CD200R1: variants seen among roughly 807,000 people sequenced by gnomAD.
CD200R1 encodes cell surface glycoprotein CD200 receptor 1.
CD200R1 carries 30 observed loss-of-function variants against 38.1 expected under a neutral mutation model. That is an observed-to-expected ratio of 0.79 (90% CI 0.59 to 1.07). The LOEUF (loss-of-function observed/expected upper bound fraction) is 1.07. CD200R1 is among the 50% of genes least tolerant of loss of function. The pLI, the probability that CD200R1 is intolerant of heterozygous loss-of-function variation, is 0.00. For synonymous variants in CD200R1, 128 were observed against 152.1 expected, an observed-to-expected ratio of 0.84 and a Z score of 1.16; for missense variants, 372 against 415.4, an observed-to-expected ratio of 0.90 and a Z score of 0.91.
intron 1 of CD200R1, among the ~76,000 whole-genome samples, chr3:112,954,766 C>T (rs1412757615): frequency 6.6e-6 from 1 of 152,158 alleles, no homozygotes; most frequent in African/African-American, 2.4e-5. Flanking sequence ...GCCCTATGCA[C>T]TTTTTCATCT....
chr3:112,931,899 C>A (rs1940450725), intron 2 of CD200R1, among the ~76,000 whole-genome samples: 1 of 152,066 alleles, frequency 6.6e-6, no homozygotes, highest in Admixed American at 6.5e-5. Flanking sequence ...GCCTCTGGCA[C>A]CCCATCCTTC....
chr3:112,962,793 A>C (rs1185593952), intron 1 of CD200R1, among the ~76,000 whole-genome samples: 1 of 152,074 alleles, frequency 6.6e-6, no homozygotes, highest in East Asian at 1.9e-4. Context: ...AGAGCCTTGA[A>C]AACATTTATA....
At chr3:112,938,476 C>T (rs1940637641) in intron 2 of CD200R1, among the ~76,000 whole-genome samples, 1 of 151,930 alleles carries the variant, frequency 6.6e-6, no homozygotes, top group African/African-American at 2.4e-5. Flanking sequence ...CTATTATGAA[C>T]AACTACACAT....
At chr3:112,938,270 G>A (rs1940633367) in intron 2 of CD200R1, among the ~76,000 whole-genome samples, 1 of 152,194 alleles carries the variant, frequency 6.6e-6, no homozygotes, top group African/African-American at 2.4e-5. Context: ...TCTTGTGCCA[G>A]TTTTCAAGGG....
At chr3:112,953,122 A>C (rs1941007814) in intron 1 of CD200R1, among the ~76,000 whole-genome samples, 1 of 152,190 alleles carries the variant, frequency 6.6e-6, no homozygotes, top group South Asian at 2.1e-4. Flanking sequence ...ATTGCACTGA[A>C]GTACTTTCCT....
At chr3:112,969,925 A>C (rs1933259316) in intron 1 of CD200R1, among the ~76,000 whole-genome samples, 1 of 152,054 alleles carries the variant, frequency 6.6e-6, no homozygotes, top group Non-Finnish European at 1.5e-5. Flanking sequence ...TAATTCCAAC[A>C]CTTTGGGAGG....
rs1341572003 is a variant in CD200R1, at chr3:112,947,853, TACCTAA to T, written c.133_136+2del. On this transcript the variant is annotated splice_donor_variant and coding_sequence_variant, in exon 2 of 8. Coordinates refer to ENST00000308611, the MANE Select transcript of CD200R1 (RefSeq NM_138806.4). LOFTEE classifies it high-confidence loss of function. Reference sequence around the variant, plus strand: ...AGAATTATTGTTAAAAGATGCACATTACCTAAAGCATGATTCTCCTTGCTAGTTTGC... The same window carrying T: ...AGAATTATTGTTAAAAGATGCACATTAGCATGATTCTCCTTGCTAGTTTGC... 5 of 1,600,118 alleles carry T rather than the reference TACCTAA, an allele frequency of 3.1e-6. No homozygotes were observed. Among genetic ancestry groups the T allele is most frequent in the Non-Finnish European group, 4.3e-6 (5 of 1,167,312 alleles).
chr3:112,928,728 A>G, intron 5 of CD200R1, 88 bp downstream of exon 5: 1 of 1,081,916 alleles, frequency 9.2e-7, no homozygotes, highest in Non-Finnish European at 1.3e-6. Flanking sequence ...AGCATCCTCG[A>G]ACAAAATATA....
At chr3:112,945,889 G>A (rs1329684902) in intron 2 of CD200R1, among the ~76,000 whole-genome samples, 1 of 152,112 alleles carries the variant, frequency 6.6e-6, no homozygotes, top group South Asian at 2.1e-4. Flanking sequence ...TTAGCAGGGC[G>A]TGGTAGCTGG....
chr3:112,949,240 G>T lies in CD200R1; in HGVS notation c.68-1316C>A, dbSNP rs551544764. Reference sequence around the variant, plus strand: ...AGGCTCTAACTGTGCAAGGCACAAAGCTCCTGGAATGTGTTCACAAGGAAA... The same window carrying T: ...AGGCTCTAACTGTGCAAGGCACAAATCTCCTGGAATGTGTTCACAAGGAAA... On this transcript the variant is annotated intron_variant, in intron 1 of 7. Transcript: ENST00000308611. Among the ~76,000 whole-genome samples, 20 of 152,364 alleles carry T rather than the reference G, an allele frequency of 1.3e-4. 1 individual carries two copies. The highest frequency in any genetic ancestry group is 4.3e-4 in the African/African-American group (18 of 41,584).
At chr3:112,952,252 T>A (rs1020323810) in intron 1 of CD200R1, among the ~76,000 whole-genome samples, 4 of 152,224 alleles carry the variant, frequency 2.6e-5, no homozygotes, top group Non-Finnish European at 5.9e-5. Flanking sequence ...TTTCTGTAGC[T>A]ATTAAAAATA....
At chr3:112,944,702 T>C (rs1320776221) in intron 2 of CD200R1, among the ~76,000 whole-genome samples, 1 of 152,168 alleles carries the variant, frequency 6.6e-6, no homozygotes, top group East Asian at 1.9e-4. Flanking sequence ...AATAAAACTG[T>C]CTTTGTTCAT....
chr3:112,941,414 T>C (rs1479201557), intron 2 of CD200R1, among the ~76,000 whole-genome samples: 1 of 151,642 alleles, frequency 6.6e-6, no homozygotes, highest in Non-Finnish European at 1.5e-5. Context: ...CCCATAAATA[T>C]GTGCAATTAT....
chr3:112,964,854 G>A (rs1009673165), intron 1 of CD200R1, among the ~76,000 whole-genome samples: 3 of 152,070 alleles, frequency 2.0e-5, no homozygotes, highest in South Asian at 2.1e-4. Context: ...AAATTCCCAC[G>A]TGTTGTGGGA....
intron 1 of CD200R1, among the ~76,000 whole-genome samples, chr3:112,959,132 T>C (rs1451817006): frequency 6.6e-6 from 1 of 152,188 alleles, no homozygotes; most frequent in Non-Finnish European, 1.5e-5. Flanking sequence ...TCACCATTCC[T>C]GTTAAAAACC....
At chr3:112,945,107 C>T (rs1940816600) in intron 2 of CD200R1, among the ~76,000 whole-genome samples, 1 of 152,142 alleles carries the variant, frequency 6.6e-6, no homozygotes, top group Non-Finnish European at 1.5e-5. Flanking sequence ...CTCATGTTCA[C>T]AGATAGGGTG....
intron 1 of CD200R1, among the ~76,000 whole-genome samples, chr3:112,972,842 CA>C (rs1933344467): frequency 6.6e-6 from 1 of 152,166 alleles, no homozygotes; most frequent in Non-Finnish European, 1.5e-5. Flanking sequence ...TTCTGTTTGG[CA>C]GTATTAATAA....
chr3:112,962,188 G>A lies in CD200R1; in HGVS notation c.67+12603C>T, dbSNP rs2107340667. 2.0e-5 allele frequency among the ~76,000 whole-genome samples: 3 copies of A among 152,086 alleles called. No homozygotes were observed. In the South Asian group the frequency reaches 6.2e-4, roughly 32 times the overall value. Reference sequence around the variant, plus strand: ...TTTTGGGTTTTAATTTTTGGTTTTGGGAGTATTTTTTTGAGGCAATTACTG... The same window carrying A: ...TTTTGGGTTTTAATTTTTGGTTTTGAGAGTATTTTTTTGAGGCAATTACTG... On this transcript the variant is annotated intron_variant, in intron 1 of 7. Coordinates refer to ENST00000308611, the MANE Select transcript of CD200R1 (RefSeq NM_138806.4).
chr3:112,974,739 A>G (rs1933398700), intron 1 of CD200R1, 52 bp downstream of exon 1: 5 of 1,173,790 alleles, frequency 4.3e-6, no homozygotes, highest in Non-Finnish European at 6.4e-6. Context: ...TAAACTCAGG[A>G]AGAGCTGAGA....
Sources: gnomAD v4.1 joint callset for allele counts (sites outside exome capture counted in the v4.1 genomes callset) on GRCh38, gnomAD v4.1.1 for gene constraint, MANE v1.5 for transcripts, NCBI Gene and HGNC (gene_info 2026-07-23, HGNC 2026-07-21) for gene names.